Variants in NAA35 observed in about 807,000 individuals in gnomAD.
The protein encoded by NAA35 is MAK10 homolog, amino-acid N-acetyltransferase subunit.
A neutral mutation model predicts 101.7 loss-of-function variants in NAA35; 18 were observed. The observed-to-expected ratio is 0.18, with a 90% CI of 0.12 to 0.26. The LOEUF (loss-of-function observed/expected upper bound fraction) is 0.26. NAA35 is among the 10% of genes least tolerant of loss of function. The pLI is 1.00. For synonymous variants in NAA35, 267 were observed against 273.1 expected (o/e 0.98, Z 0.22); for missense variants, 601 against 886.8 (o/e 0.68, Z 4.09).
chr9:86,018,144 T>G, intron 19 of NAA35, 111 bp from the exon 20 acceptor site: 1 of 882,542 alleles, frequency 1.1e-6, no homozygotes, highest in Admixed American at 2.8e-5. Flanking sequence ...TCTTCAGAAG[T>G]GTTTGCTTGA....
intron 10 of NAA35, among the ~76,000 whole-genome samples, chr9:85,978,043 A>G (rs1564302494): frequency 6.6e-6 from 1 of 151,722 alleles, no homozygotes; most frequent in African/African-American, 2.4e-5. Context: ...AACCAAAAAT[A>G]TTTTCTATTA....
At chr9:85,980,369 A>ACTT (rs1473267078) in intron 11 of NAA35, among the ~76,000 whole-genome samples, 2,466 of 152,254 alleles carry the variant, frequency 0.016, 62 homozygotes, top group African/African-American at 0.054. Flanking sequence ...TGGGGCTGAA[A>ACTT]GTTCCAGCCT....
At chr9:85,969,062 T>G (rs1829885512) in intron 6 of NAA35, among the ~76,000 whole-genome samples, 1 of 152,212 alleles carries the variant, frequency 6.6e-6, no homozygotes. Context: ...GTTCTCCAGC[T>G]TCAGTCTGCA....
intron 13 of NAA35, among the ~76,000 whole-genome samples, chr9:86,004,875 T>G (rs1002249320): frequency 6.6e-6 from 1 of 152,204 alleles, no homozygotes; most frequent in Non-Finnish European, 1.5e-5. Context: ...TTGAATAATC[T>G]CTTATCTATT....
intron 2 of NAA35, among the ~76,000 whole-genome samples, chr9:85,944,605 C>T (rs1313780383): frequency 6.6e-6 from 1 of 152,212 alleles, no homozygotes; most frequent in Non-Finnish European, 1.5e-5. Flanking sequence ...TGAACACGTA[C>T]ACTGCTTCTC....
In NAA35 at chr9:85,962,198, A is replaced by G. The variant is rs1564291995; in HGVS notation, c.516+18A>G. 1.1e-5 allele frequency: 18 copies of G among 1,610,704 alleles called. No individual in the cohort carries two copies. Among genetic ancestry groups the G allele is most frequent in the Non-Finnish European group, 1.4e-5 (17 of 1,178,574 alleles). ...TTGAAGAGGTAAGATTTCGTAATGT[A>G]AGAAATCCTTGGCCAGGTGCGGTGG... On this transcript the variant is annotated intron_variant, in intron 6 of 22. Coordinates refer to ENST00000361671, the MANE Select transcript of NAA35 (RefSeq NM_024635.4).
intron 17 of NAA35, chr9:86,015,770 A>G: frequency 2.1e-6 from 2 of 974,432 alleles, no homozygotes; most frequent in Non-Finnish European, 2.4e-6. Context: ...CCCTTCACTC[A>G]TGTGTCCTTA....
intron 11 of NAA35, among the ~76,000 whole-genome samples, chr9:85,995,798 A>G (rs1831130186): frequency 6.6e-6 from 1 of 152,190 alleles, no homozygotes; most frequent in Admixed American, 6.5e-5. Context: ...AAGTGAGATC[A>G]CCAGTGGACA....
At chr9:85,949,790 A>G (rs75057346) in intron 2 of NAA35, among the ~76,000 whole-genome samples, 1,904 of 152,062 alleles carry the variant, frequency 0.013, 18 homozygotes, top group Middle Eastern at 0.031. Flanking sequence ...TAAGGCTTTA[A>G]CTTAAAAGTA....
chr9:85,973,979 CAG>C (rs908783652), intron 6 of NAA35, among the ~76,000 whole-genome samples: 7 of 151,158 alleles, frequency 4.6e-5, no homozygotes, highest in African/African-American at 1.2e-4. Context: ...TTTTTTGAGG[CAG>C]AGTCTCACTC....
chr9:85,954,330 G>C (rs1297832326), intron 2 of NAA35, among the ~76,000 whole-genome samples: 1 of 152,192 alleles, frequency 6.6e-6, no homozygotes, highest in Non-Finnish European at 1.5e-5. Flanking sequence ...CAGTCCTCCT[G>C]CCTTGGCCTC....
chr9:85,949,483 CGG>C (rs762550470), intron 2 of NAA35, among the ~76,000 whole-genome samples: 1 of 151,612 alleles, frequency 6.6e-6, no homozygotes, highest in Non-Finnish European at 1.5e-5. Flanking sequence ...TTAGTAGAGA[CGG>C]GGTTTCACTG....
intron 10 of NAA35, 52 bp downstream of exon 10, chr9:85,977,498 A>G (rs1408151026): frequency 7.7e-7 from 1 of 1,303,932 alleles, no homozygotes; most frequent in Admixed American, 1.7e-5. Context: ...TTTGGCTGGA[A>G]TTCCTGAGTG....
intron 11 of NAA35, among the ~76,000 whole-genome samples, chr9:85,982,970 G>T (rs941004924): frequency 4.6e-5 from 7 of 152,174 alleles, no homozygotes; most frequent in Admixed American, 2.6e-4. Context: ...CCTCAAGGCT[G>T]CATTATTGGT....
intron 5 of NAA35, among the ~76,000 whole-genome samples, chr9:85,960,282 A>T (rs544732039): frequency 2.6e-5 from 4 of 152,148 alleles, no homozygotes; most frequent in Admixed American, 6.5e-5. Flanking sequence ...TGTGAAGAAA[A>T]TTTTTTTAGT....
Position 85,996,438 on chromosome 9 carries a change from A to G in NAA35, c.917A>G (p.Gln306Arg), listed in dbSNP as rs1196022308. 2 of 1,607,506 alleles carry G rather than the reference A, an allele frequency of 1.2e-6. No homozygotes were observed. The highest frequency in any genetic ancestry group is 1.7e-4 in the Middle Eastern group (1 of 6,030). ...ATGGGTTTTGAACCCCTTGTGAACC[A>G]GAGGCTACTTCCACCTACCTTCCCT... Reference protein sequence around the residue: ...IMMGFEPLVNQRLLPPTFPRY... With the variant: ...IMMGFEPLVNRRLLPPTFPRY... The change falls in exon 12 of 23, where the codon CAG becomes CGG. Residue 306 changes from glutamine (Q) to arginine (R), a missense_variant. Transcript: ENST00000361671.
intron 14 of NAA35, among the ~76,000 whole-genome samples, chr9:86,009,251 C>T (rs1482262137): frequency 2.0e-5 from 3 of 152,116 alleles, no homozygotes; most frequent in African/African-American, 7.2e-5. Context: ...TGTAATGAAC[C>T]TTCAGCACTT....
At chr9:85,969,925 T>C (rs1273983307) in intron 6 of NAA35, among the ~76,000 whole-genome samples, 2 of 151,980 alleles carry the variant, frequency 1.3e-5, no homozygotes, top group Non-Finnish European at 2.9e-5. Context: ...TTCTCTCTGC[T>C]CTAGTCAGGC....
At chr9:85,973,284 T>C (rs1448501950) in intron 6 of NAA35, among the ~76,000 whole-genome samples, 1 of 152,188 alleles carries the variant, frequency 6.6e-6, no homozygotes, top group African/African-American at 2.4e-5. Context: ...GATTTTGCTA[T>C]GAGGTAGAAA....
Sources: gnomAD v4.1 joint callset for allele counts (sites outside exome capture counted in the v4.1 genomes callset) on GRCh38, gnomAD v4.1.1 for gene constraint, MANE v1.5 for transcripts, NCBI Gene and HGNC (gene_info 2026-07-23, HGNC 2026-07-21) for gene names.